NRXN1: variants seen among roughly 807,000 people sequenced by gnomAD.
NRXN1 encodes the protein neurexin-1.
NRXN1 carries 39 observed loss-of-function variants against 150.9 expected under a neutral mutation model. That is an observed-to-expected ratio of 0.26 (90% CI 0.20 to 0.34). The LOEUF (loss-of-function observed/expected upper bound fraction) is 0.34. Among genes scored for constraint, NRXN1 ranks in the 10% least tolerant of loss-of-function variants. The pLI, the probability that NRXN1 is intolerant of heterozygous loss-of-function variation, is 1.00. For missense variants in NRXN1, 1,815 were observed against 1,949.9 expected (o/e 0.93, Z 1.30); for synonymous variants, 924 against 757.0 (o/e 1.22, Z -3.62).
chr2:50,034,647 A>ATT (rs1689740452), intron 21 of NRXN1, among the ~76,000 whole-genome samples: 1 of 152,078 alleles, frequency 6.6e-6, no homozygotes, highest in Non-Finnish European at 1.5e-5. Flanking sequence ...ACTTAAAATA[A>ATT]AAGTTAAGGG....
chr2:50,158,672 T>C (rs893052208), intron 18 of NRXN1, among the ~76,000 whole-genome samples: 1 of 152,140 alleles, frequency 6.6e-6, no homozygotes, highest in Admixed American at 6.6e-5. Context: ...TTGTTTCAAA[T>C]GCAGCTGTAT....
At chr2:50,323,571 CTATA>C (rs149609146) in intron 17 of NRXN1, among the ~76,000 whole-genome samples, 5 of 144,350 alleles carry the variant, frequency 3.5e-5, no homozygotes, top group Admixed American at 2.8e-4. Context: ...GGGAAATAAA[CTATA>C]TATATATATA....
chr2:50,331,718 T>C (rs531178973), intron 17 of NRXN1, among the ~76,000 whole-genome samples: 185 of 152,324 alleles, frequency 1.2e-3, no homozygotes, highest in South Asian at 2.3e-3. Context: ...TGTGTTCAAG[T>C]GATTTTCCTG....
intron 18 of NRXN1, among the ~76,000 whole-genome samples, chr2:50,212,822 G>A (rs1257815162): frequency 6.6e-6 from 1 of 151,918 alleles, no homozygotes; most frequent in Non-Finnish European, 1.5e-5. Flanking sequence ...AAGGTTAAAT[G>A]CAAGACAAAT....
chr2:50,240,279 C>T (rs2065891958), intron 17 of NRXN1, among the ~76,000 whole-genome samples: 1 of 151,686 alleles, frequency 6.6e-6, no homozygotes, highest in Non-Finnish European at 1.5e-5. Context: ...CAGATATATC[C>T]TGAGAGCAGT....
chr2:50,607,873 G>A (rs749389095), intron 8 of NRXN1, among the ~76,000 whole-genome samples: 2 of 151,848 alleles, frequency 1.3e-5, no homozygotes, highest in African/African-American at 4.8e-5. Flanking sequence ...GATAGTCAAC[G>A]CACATCATTC....
chr2:50,679,771 A>G (rs1690096808), intron 5 of NRXN1, among the ~76,000 whole-genome samples: 1 of 152,172 alleles, frequency 6.6e-6, no homozygotes, highest in Non-Finnish European at 1.5e-5. Context: ...TGTTAGAACC[A>G]TGACTTGGAT....
At chr2:50,884,933 T>G (rs1375837689) in intron 5 of NRXN1, among the ~76,000 whole-genome samples, 1 of 151,556 alleles carries the variant, frequency 6.6e-6, no homozygotes, top group Non-Finnish European at 1.5e-5. Context: ...GCAAAACATA[T>G]GCTCAAATTT....
intron 5 of NRXN1, among the ~76,000 whole-genome samples, chr2:50,757,506 C>G (rs1701281177): frequency 6.6e-6 from 1 of 151,696 alleles, no homozygotes; most frequent in Non-Finnish European, 1.5e-5. Flanking sequence ...TCCCATGGAT[C>G]CCCAAAATAT....
chr2:50,585,054 C>T (rs931023779), intron 8 of NRXN1, among the ~76,000 whole-genome samples: 2 of 152,052 alleles, frequency 1.3e-5, no homozygotes, highest in Non-Finnish European at 2.9e-5. Flanking sequence ...AATAAATTTA[C>T]ATACCTCACC....
intron 2 of NRXN1, among the ~76,000 whole-genome samples, chr2:50,932,484 T>C (rs891673137): frequency 2.8e-4 from 43 of 152,020 alleles, no homozygotes; most frequent in African/African-American, 9.4e-4. Context: ...ATTTAGGCCA[T>C]TGACATCAAT....
At chr2:50,749,653 C>T (rs975585194) in intron 5 of NRXN1, among the ~76,000 whole-genome samples, 1 of 152,028 alleles carries the variant, frequency 6.6e-6, no homozygotes, top group Non-Finnish European at 1.5e-5. Context: ...CCAAAAATCA[C>T]CTTTTTCAGA....
chr2:51,020,137 C>G (rs1044802191), intron 2 of NRXN1, among the ~76,000 whole-genome samples: 10 of 151,488 alleles, frequency 6.6e-5, no homozygotes, highest in African/African-American at 2.2e-4. Context: ...TGAATCTTTA[C>G]AAATGTAACC....
chr2:49,942,300 G>C (rs922250249), intron 22 of NRXN1, among the ~76,000 whole-genome samples: 1 of 152,102 alleles, frequency 6.6e-6, no homozygotes, highest in South Asian at 2.1e-4. Flanking sequence ...GGTGACTGCC[G>C]AGCTCTTCCC....
At chr2:50,536,470 T>C (rs1247185025) in intron 10 of NRXN1, among the ~76,000 whole-genome samples, 4 of 152,150 alleles carry the variant, frequency 2.6e-5, no homozygotes, top group African/African-American at 7.2e-5. Flanking sequence ...ATCCTGGCTC[T>C]GAAAGATCTA....
intron 18 of NRXN1, among the ~76,000 whole-genome samples, chr2:50,119,705 G>T (rs1037743149): frequency 1.5e-4 from 23 of 152,086 alleles, no homozygotes; most frequent in Admixed American, 1.4e-3. Flanking sequence ...AAGGCAAAAG[G>T]AACTTAAGAT....
At chr2:50,564,249 T>C (rs1335755392) in intron 8 of NRXN1, among the ~76,000 whole-genome samples, 2 of 152,204 alleles carry the variant, frequency 1.3e-5, no homozygotes, top group Non-Finnish European at 2.9e-5. Context: ...TGATCCTGGG[T>C]ACCTAAATAA....
intron 19 of NRXN1, among the ~76,000 whole-genome samples, chr2:50,069,300 C>T (rs1695847057): frequency 1.3e-5 from 2 of 152,144 alleles, no homozygotes; most frequent in South Asian, 4.1e-4. Context: ...GCTGCTTGAT[C>T]CATTTTCTGC....
intron 19 of NRXN1, among the ~76,000 whole-genome samples, chr2:50,064,870 G>A (rs933484072): frequency 5.3e-5 from 8 of 152,112 alleles, no homozygotes; most frequent in Non-Finnish European, 1.0e-4. Flanking sequence ...TGTAACATGA[G>A]GGCAGAGGGC....
Sources: allele counts gnomAD v4.1 joint callset (sites outside exome capture counted in the v4.1 genomes callset), GRCh38; gene constraint gnomAD v4.1.1; transcripts MANE v1.5; gene names NCBI Gene and HGNC (gene_info 2026-07-23, HGNC 2026-07-21).